TRIM67: variants seen among roughly 807,000 people sequenced by gnomAD.
TRIM67 encodes the protein tripartite motif-containing protein 67.
TRIM67 carries 39 observed loss-of-function variants against 71.0 expected under a neutral mutation model. That is an observed-to-expected ratio of 0.55 (90% CI 0.43 to 0.72). The LOEUF is 0.72. TRIM67 is among the 30% of genes least tolerant of loss of function. The pLI is 0.00. For missense variants in TRIM67, 973 were observed against 1,079.2 expected (o/e 0.90, Z 1.38); for synonymous variants, 481 against 473.9 (o/e 1.01, Z -0.19).
At chr1:231,206,438 C>T (rs1571900130) in intron 6 of TRIM67, among the ~76,000 whole-genome samples, 1 of 151,820 alleles carries the variant, frequency 6.6e-6, no homozygotes, top group Non-Finnish European at 1.5e-5. Context: ...AGACTCTGTC[C>T]CTCAAAAAAA....
chr1:231,204,944 T>C (rs1193661521), intron 6 of TRIM67, among the ~76,000 whole-genome samples: 3 of 152,122 alleles, frequency 2.0e-5, no homozygotes, highest in South Asian at 4.2e-4. Flanking sequence ...CTGAGTCCCA[T>C]GTGAATATGG....
chr1:231,180,154 A>G (rs1222176742), intron 1 of TRIM67, among the ~76,000 whole-genome samples: 1 of 152,106 alleles, frequency 6.6e-6, no homozygotes, highest in Non-Finnish European at 1.5e-5. Flanking sequence ...TCTATCTTAG[A>G]GTTTATCCTA....
chr1:231,220,045 A>G lies in TRIM67; in HGVS notation c.*4605A>G, dbSNP rs1684103658. 1.0e-6 allele frequency: 1 copy of G among 967,554 alleles called. No homozygotes were observed. Among genetic ancestry groups the G allele is most frequent in the Admixed American group, 2.3e-5 (1 of 43,102 alleles). The allele number at this position is 967,554 out of a possible 1,614,324, so 59.9% of individuals were successfully genotyped here. On this transcript the variant is annotated 3_prime_UTR_variant, in exon 10 of 10. Transcript: ENST00000366653. Reference sequence around the variant, plus strand: ...CCCCACCTGAAATGAGACTAGTCATACTAACCTACCTCCTCTGATGTATTG... The same window carrying G: ...CCCCACCTGAAATGAGACTAGTCATGCTAACCTACCTCCTCTGATGTATTG...
intron 1 of TRIM67, chr1:231,184,019 C>G (rs1682982728): frequency 6.6e-6 from 1 of 152,166 alleles, no homozygotes; most frequent in African/African-American, 2.4e-5. Flanking sequence ...CTCTTTGTCT[C>G]TTTGTTCAGT....
chr1:231,215,017 G>A (rs2102767108), intron 9 of TRIM67, among the ~76,000 whole-genome samples: 1 of 152,146 alleles, frequency 6.6e-6, no homozygotes, highest in East Asian at 1.9e-4. Context: ...GGGTTTAATA[G>A]GAAAGGAAAG....
intron 1 of TRIM67, among the ~76,000 whole-genome samples, chr1:231,172,340 G>C (rs1382575914): frequency 6.6e-6 from 1 of 152,204 alleles, no homozygotes; most frequent in African/African-American, 2.4e-5. Context: ...CAGGAAAAGG[G>C]AATCGAAGGT....
At chr1:231,212,372 AT>A (rs1314158929) in intron 8 of TRIM67, among the ~76,000 whole-genome samples, 12 of 152,194 alleles carry the variant, frequency 7.9e-5, no homozygotes, top group Non-Finnish European at 2.9e-5. Context: ...TTATCAGTTA[AT>A]TGGGCTCTTT....
At chr1:231,168,223 C>T (rs974128890) in intron 1 of TRIM67, among the ~76,000 whole-genome samples, 1 of 152,242 alleles carries the variant, frequency 6.6e-6, no homozygotes, top group Non-Finnish European at 1.5e-5. Context: ...CCTACCTTGG[C>T]CTCCCAAAGC....
chr1:231,219,996 C>G lies in TRIM67; in HGVS notation c.*4556C>G. 7.8e-7 allele frequency: 1 copy of G among 1,275,514 alleles called. No homozygotes were observed. Among genetic ancestry groups the G allele is most frequent in the Non-Finnish European group, 1.0e-6 (1 of 975,842 alleles). The allele number at this position is 1,275,514 out of a possible 1,614,324, so 79.0% of individuals were successfully genotyped here. ...TCATGGTATGAGTGGGGGCCAATCT[C>G]TTATCCTTTCTGTGCCTCAGTATCC... On this transcript the variant is annotated 3_prime_UTR_variant, in exon 10 of 10. Coordinates refer to ENST00000366653, the MANE Select transcript of TRIM67 (RefSeq NM_001004342.5).
At position 231,209,628 on chromosome 1, in the gene TRIM67, T is replaced by C. The variant is rs1470151431; in HGVS notation, c.2123+378T>C. The stretch of plus-strand genomic sequence containing the variant: ...GGGTGTTAATGGGCACCACTGGGGC[T>C]GGTGTCCTCACAGCTGTGACCAGGT... On this transcript the variant is annotated intron_variant, in intron 8 of 9. Transcript: ENST00000366653. This position sits in a 1 kb window ranked among gnomAD's most constrained non-coding sequence, Gnocchi z 4.1. Among the ~76,000 whole-genome samples the C allele has an allele frequency of 6.6e-6, 1 of 152,216 alleles. No homozygotes were observed.
intron 5 of TRIM67, among the ~76,000 whole-genome samples, chr1:231,202,701 C>T (rs1003446586): frequency 6.6e-6 from 1 of 152,218 alleles, no homozygotes; most frequent in South Asian, 2.1e-4. Flanking sequence ...AAGGAAGTCT[C>T]TCTCACATTG....
rs987819682 is a variant in TRIM67, at chr1:231,162,684, G to C, written c.-286G>C. ...TAAAGCTCCTCGCAGGCCACCGCGA[G>C]GGCAGCCGACCGGCTCCGGAATCTG... On this transcript the variant is annotated 5_prime_UTR_variant, in exon 1 of 10. Transcript: ENST00000366653. The C allele has an allele frequency of 8.9e-6, 4 of 447,566 alleles. No individual in the cohort carries two copies. Among genetic ancestry groups the C allele is most frequent in the Admixed American group, 8.2e-5 (2 of 24,532 alleles). The allele number at this position is 447,566 out of a possible 1,614,324, so 27.7% of individuals were successfully genotyped here.
At chr1:231,184,956 G>A in intron 1 of TRIM67, 1 of 1,439,110 alleles carries the variant, frequency 6.9e-7, no homozygotes, top group Non-Finnish European at 9.4e-7. Flanking sequence ...AGCTCTAAGG[G>A]TTGCTGGATA....
At chr1:231,202,258 G>T in intron 5 of TRIM67, among the ~76,000 whole-genome samples, 1 of 1,214 alleles carries the variant, frequency 8.2e-4, no homozygotes, top group African/African-American at 2.3e-3. Context: ...TGGAGAAGGA[G>T]GAGGTGGTGG....
At chr1:231,199,311 G>C in intron 3 of TRIM67, 142 bp downstream of exon 3, 3 of 834,900 alleles carry the variant, frequency 3.6e-6, no homozygotes, top group Non-Finnish European at 3.9e-6. Context: ...GCAAGGAAGG[G>C]ATGCACCAGC....
At position 231,200,928 on chromosome 1, in the gene TRIM67, A is replaced by T. The variant is rs1033376842; in HGVS notation, c.1375-430A>T. On this transcript the variant is annotated intron_variant, in intron 4 of 9. Coordinates refer to ENST00000366653, the MANE Select transcript of TRIM67 (RefSeq NM_001004342.5). ...AACAACTCAGAAGAAACACACGGGCAGGGGGCAGATGTGGGCTTCAAAACT... is the reference window on the plus strand; with the variant it reads ...AACAACTCAGAAGAAACACACGGGCTGGGGGCAGATGTGGGCTTCAAAACT... Among the ~76,000 whole-genome samples, 155 of 152,250 alleles carry T rather than the reference A, an allele frequency of 1.0e-3. 4 individuals carry two copies. Among genetic ancestry groups the T allele is most frequent in the Middle Eastern group, 3.4e-3 (1 of 294 alleles).
chr1:231,169,286 C>G (rs1682559470), intron 1 of TRIM67, among the ~76,000 whole-genome samples: 1 of 151,572 alleles, frequency 6.6e-6, no homozygotes, highest in Admixed American at 6.6e-5. Flanking sequence ...AACCCCAGAC[C>G]TCAAGTGATC....
At chr1:231,207,219 AAGGG>A (rs1159331672) in intron 7 of TRIM67, among the ~76,000 whole-genome samples, 2 of 152,186 alleles carry the variant, frequency 1.3e-5, no homozygotes, top group African/African-American at 4.8e-5. Context: ...CCCACTTCTC[AAGGG>A]CTGAGGAGTG....
At chr1:231,214,497 C>G (rs1571907048) in intron 9 of TRIM67, among the ~76,000 whole-genome samples, 1 of 152,238 alleles carries the variant, frequency 6.6e-6, no homozygotes, top group East Asian at 1.9e-4. Flanking sequence ...AGGCTTATGG[C>G]CGGGCGCGGT....
Sources: gnomAD v4.1 joint callset for allele counts (sites outside exome capture counted in the v4.1 genomes callset) on GRCh38, gnomAD v4.1.1 for gene constraint, Gnocchi (gnomAD v3.1) non-coding constraint, MANE v1.5 for transcripts, NCBI Gene and HGNC (gene_info 2026-07-23, HGNC 2026-07-21) for gene names.